RBMS1: variants seen among roughly 807,000 people sequenced by gnomAD.
RBMS1 encodes the protein RNA binding motif single stranded interacting protein 1.
Under a neutral mutation model 62.3 loss-of-function variants are expected in RBMS1, and 17 were observed. The ratio of observed to expected loss-of-function variants is 0.27; its 90% CI spans 0.19 to 0.41. The LOEUF is 0.41. Ranked by LOEUF, RBMS1 falls within the 10% of genes least tolerant of loss-of-function variation. The pLI, the probability that RBMS1 is intolerant of heterozygous loss-of-function variation, is 1.00. For synonymous variants in RBMS1, 172 were observed against 170.0 expected (o/e 1.01, Z -0.09); for missense variants, 334 against 504.5 (o/e 0.66, Z 3.24).
chr2:160,329,674 C>A (rs560896709), intron 2 of RBMS1, among the ~76,000 whole-genome samples: 1 of 151,828 alleles, frequency 6.6e-6, no homozygotes, highest in Non-Finnish European at 1.5e-5. Context: ...GGTAAACATG[C>A]CTCACCCTCA....
chr2:160,294,610 G>A (rs770181799), intron 6 of RBMS1, among the ~76,000 whole-genome samples: 4 of 152,134 alleles, frequency 2.6e-5, no homozygotes, highest in African/African-American at 9.7e-5. Flanking sequence ...AGTATCTTTC[G>A]GGAATTGTGT....
At chr2:160,408,633 A>C (rs1695898863) in intron 1 of RBMS1, 1 of 152,224 alleles carries the variant, frequency 6.6e-6, no homozygotes, top group African/African-American at 2.4e-5. Flanking sequence ...TAGATGCGAC[A>C]CAAATGTGTT....
At chr2:160,395,003 C>A (rs1284770097) in intron 1 of RBMS1, among the ~76,000 whole-genome samples, 2 of 152,192 alleles carry the variant, frequency 1.3e-5, no homozygotes, top group African/African-American at 4.8e-5. Flanking sequence ...GCAAAAGCTT[C>A]TTTTAAATAA....
intron 2 of RBMS1, among the ~76,000 whole-genome samples, chr2:160,327,424 A>C (rs547518348): frequency 1.3e-5 from 2 of 152,190 alleles, no homozygotes; most frequent in East Asian, 3.9e-4. Context: ...AAAATCGCTA[A>C]GATGCATTTT....
chr2:160,482,796 G>T (rs1685423332), intron 1 of RBMS1, among the ~76,000 whole-genome samples: 1 of 152,212 alleles, frequency 6.6e-6, no homozygotes, highest in African/African-American at 2.4e-5. Context: ...AGCAAAGGAA[G>T]AGGAAACAAA....
At chr2:160,462,040 G>A (rs1040193053) in intron 1 of RBMS1, among the ~76,000 whole-genome samples, 1 of 147,746 alleles carries the variant, frequency 6.8e-6, no homozygotes, top group Admixed American at 6.7e-5. Flanking sequence ...ACAACAGACA[G>A]CACAAGAGTT....
At position 160,275,591 on chromosome 2, in the gene RBMS1, G is replaced by C. The variant is rs1265205376; in HGVS notation, c.*7+39C>G. On this transcript the variant is annotated intron_variant, in intron 13 of 13. Coordinates refer to ENST00000348849, the MANE Select transcript of RBMS1 (RefSeq NM_016836.4). ...AAAAAAAGCCCTATAGATTGTGCTT[G>C]ATTTGAGCCCCCCAGTTATGAAGAC... 2.5e-6 allele frequency: 4 copies of C among 1,603,754 alleles called. No individual in the cohort carries two copies. The African/African-American group carries it at 4.0e-5, about 16-fold the overall frequency.
At chr2:160,335,465 A>G (rs1325626488) in intron 2 of RBMS1, among the ~76,000 whole-genome samples, 1 of 152,206 alleles carries the variant, frequency 6.6e-6, no homozygotes, top group African/African-American at 2.4e-5. Context: ...TTGTGTGTAA[A>G]AAATGTTAAT....
intron 1 of RBMS1, among the ~76,000 whole-genome samples, chr2:160,484,572 A>C (rs1685511641): frequency 1.3e-5 from 2 of 151,108 alleles, no homozygotes; most frequent in South Asian, 4.2e-4. Context: ...GGATTCCCTA[A>C]AAAGTTACGA....
rs186410244 is a variant in RBMS1, at chr2:160,302,396, T to C, written c.560+934A>G. 198 of 151,882 alleles carry C rather than the reference T, an allele frequency of 1.3e-3. 1 individual carries two copies. The highest frequency in any genetic ancestry group is 4.5e-3 in the African/African-American group (187 of 41,392). The allele number at this position is 151,882 out of a possible 1,614,324, so 9.4% of individuals were successfully genotyped here. A position where few individuals can be genotyped will look rare whatever the true frequency, so the allele number is the denominator to read the frequency against. ...TTTTTGTAGAGAAAGGGTCTCACTA[T>C]GTTGCCCAGGCTGGTCTCAAACTCT... On this transcript the variant is annotated intron_variant, in intron 5 of 13. Transcript: ENST00000348849.
At chr2:160,279,597 A>G (rs1688004199) in intron 10 of RBMS1, 1 of 152,260 alleles carries the variant, frequency 6.6e-6, no homozygotes, top group Non-Finnish European at 1.5e-5. Flanking sequence ...CATTGATTGT[A>G]TAAACCAAAA....
intron 2 of RBMS1, among the ~76,000 whole-genome samples, chr2:160,354,733 C>CT (rs1271816404): frequency 6.6e-6 from 1 of 152,098 alleles, no homozygotes; most frequent in Non-Finnish European, 1.5e-5. Flanking sequence ...ACATGTGACA[C>CT]TTAACAGAGG....
At chr2:160,433,660 T>C (rs540008622) in intron 1 of RBMS1, among the ~76,000 whole-genome samples, 1 of 152,330 alleles carries the variant, frequency 6.6e-6, no homozygotes, top group Non-Finnish European at 1.5e-5. Flanking sequence ...GAAAGACACA[T>C]TTGGTAAGCC....
intron 1 of RBMS1, among the ~76,000 whole-genome samples, chr2:160,395,218 G>T (rs1441018945): frequency 6.6e-6 from 1 of 152,182 alleles, no homozygotes; most frequent in African/African-American, 2.4e-5. Flanking sequence ...AAGTTTCTTT[G>T]TAAAATGAGT....
intron 2 of RBMS1, among the ~76,000 whole-genome samples, chr2:160,324,556 AAC>A (rs938813653): frequency 2.6e-5 from 4 of 152,080 alleles, no homozygotes; most frequent in Non-Finnish European, 5.9e-5. Context: ...GATATGTATA[AAC>A]AAAAAAGATA....
chr2:160,353,306 T>C lies in RBMS1; in HGVS notation c.251+13910A>G, dbSNP rs76762398. ...TTCTCTTAAACATGTCAGGAGATGC[T>C]GATTCTGTCAACCCTTGGAGACTGG... On this transcript the variant is annotated intron_variant, in intron 2 of 13. Transcript: ENST00000348849. 2.3e-3 allele frequency among the ~76,000 whole-genome samples: 353 copies of C among 152,248 alleles called. 6 individuals are homozygous for C. The East Asian group carries it at 0.059, about 25-fold the overall frequency.
At chr2:160,358,990 T>C (rs774726790) in intron 2 of RBMS1, among the ~76,000 whole-genome samples, 4 of 152,102 alleles carry the variant, frequency 2.6e-5, no homozygotes, top group Non-Finnish European at 4.4e-5. Flanking sequence ...CAATATAATA[T>C]AGCTCAATAT....
chr2:160,282,927 G>C (rs1230895902), intron 9 of RBMS1: 2 of 152,180 alleles, frequency 1.3e-5, no homozygotes, highest in African/African-American at 2.4e-5. Context: ...GGCACCGAGT[G>C]TCAGGCAATG....
At chr2:160,460,075 T>C (rs888850078) in intron 1 of RBMS1, among the ~76,000 whole-genome samples, 4 of 152,220 alleles carry the variant, frequency 2.6e-5, no homozygotes, top group Admixed American at 2.0e-4. Context: ...AGAAGGCAGA[T>C]GCTCCCTGAA....
Sources: allele counts gnomAD v4.1 joint callset (sites outside exome capture counted in the v4.1 genomes callset), GRCh38; gene constraint gnomAD v4.1.1; transcripts MANE v1.5; gene names NCBI Gene and HGNC (gene_info 2026-07-23, HGNC 2026-07-21).